Variants in CILK1 observed in about 807,000 individuals in gnomAD.
The protein encoded by CILK1 is ciliogenesis associated kinase 1, also known as serine/threonine-protein kinase ICK.
Under a neutral mutation model 79.2 loss-of-function variants are expected in CILK1, and 47 were observed. The observed-to-expected ratio is 0.59, with a 90% CI of 0.47 to 0.76. The LOEUF is 0.76. Among genes scored for constraint, CILK1 ranks in the 30% least tolerant of loss-of-function variants. CILK1 has a pLI of 0.00. For missense variants in CILK1, 660 were observed against 769.5 expected, an observed-to-expected ratio of 0.86 and a Z score of 1.68; for synonymous variants, 266 against 275.9, an observed-to-expected ratio of 0.96 and a Z score of 0.36.
chr6:53,041,888 T>C (rs974729569), intron 1 of CILK1, among the ~76,000 whole-genome samples: 18 of 152,150 alleles, frequency 1.2e-4, no homozygotes, highest in Non-Finnish European at 1.5e-5. Context: ...CTGGATTAAG[T>C]AGGTAAATAA....
At chr6:53,042,945 G>A (rs891424034) in intron 1 of CILK1, among the ~76,000 whole-genome samples, 1 of 152,200 alleles carries the variant, frequency 6.6e-6, no homozygotes, top group South Asian at 2.1e-4. Flanking sequence ...ATTAGGGAAA[G>A]TGGGGTGAAG....
At chr6:53,044,811 C>G (rs222451) in intron 1 of CILK1, among the ~76,000 whole-genome samples, 141,193 of 152,172 alleles carry the variant, frequency 0.93, 65,584 homozygotes, top group East Asian at 1. Flanking sequence ...TAGCAAATGA[C>G]GACACAGGAA....
chr6:53,058,493 C>CA (rs1768106782), intron 1 of CILK1, among the ~76,000 whole-genome samples: 1 of 152,148 alleles, frequency 6.6e-6, no homozygotes, highest in Admixed American at 6.5e-5. Flanking sequence ...AGCACAACCA[C>CA]AAACTAAGAC....
chr6:53,060,140 A>G (rs772607559), intron 1 of CILK1, among the ~76,000 whole-genome samples: 5 of 152,258 alleles, frequency 3.3e-5, no homozygotes, highest in Non-Finnish European at 5.9e-5. Context: ...ATAACAAACA[A>G]TAAAGTATAA....
At chr6:53,047,262 A>G (rs1209320993) in intron 1 of CILK1, among the ~76,000 whole-genome samples, 1 of 152,096 alleles carries the variant, frequency 6.6e-6, no homozygotes, top group South Asian at 2.1e-4. Flanking sequence ...GGTGGGCCCA[A>G]TTATGAACGA....
At chr6:53,020,622 A>G (rs1392606379) in intron 5 of CILK1, among the ~76,000 whole-genome samples, 2 of 152,204 alleles carry the variant, frequency 1.3e-5, no homozygotes, top group Non-Finnish European at 2.9e-5. Flanking sequence ...AATATTCCAA[A>G]ATCTGAAAAA....
chr6:53,025,018 A>G (rs189370570), intron 5 of CILK1, among the ~76,000 whole-genome samples: 47 of 151,972 alleles, frequency 3.1e-4, no homozygotes, highest in African/African-American at 9.9e-4. Context: ...TTTTTAGTAG[A>G]GACAGGATTT....
chr6:53,040,748 C>T (rs919604321), intron 2 of CILK1, among the ~76,000 whole-genome samples: 19 of 152,164 alleles, frequency 1.2e-4, no homozygotes, highest in African/African-American at 4.6e-4. Flanking sequence ...TTGTGAAGGG[C>T]AAGGGGGTGC....
chr6:53,019,121 T>A lies in CILK1; in HGVS notation c.491+106A>T, dbSNP rs185178823. ...AAATATATGTTTCAGACTGCACTGTTTCTCTTAGTGAAAAGTTAACATTTG... is the reference window on the plus strand; with the variant it reads ...AAATATATGTTTCAGACTGCACTGTATCTCTTAGTGAAAAGTTAACATTTG... On this transcript the variant is annotated intron_variant, in intron 6 of 13. Transcript: ENST00000676107. 56 of 1,078,564 alleles carry A rather than the reference T, an allele frequency of 5.2e-5. No homozygotes were observed. The Admixed American group carries it at 8.2e-4, about 16-fold the overall frequency. The allele number at this position is 1,078,564 out of a possible 1,614,324, so 66.8% of individuals were successfully genotyped here. A position where few individuals can be genotyped will look rare whatever the true frequency, so the allele number is the denominator to read the frequency against.
rs757109065 is a variant in CILK1 at position 53,005,144 on chromosome 6, G to C, written c.*5C>G. On this transcript the variant is annotated 3_prime_UTR_variant, in exon 14 of 14. Transcript: ENST00000676107. ...TAGGAAGAGATTCATCACCAAGGCA[G>C]ACAGTCATCGCCGAGATGCGTACTT... The C allele has an allele frequency of 3.7e-6, 6 of 1,614,104 alleles. No individual in the cohort carries two copies. In the Admixed American group the frequency reaches 1.0e-4, roughly 27 times the overall value.
chr6:53,024,509 G>GGAGTTCC (rs1489093759), intron 5 of CILK1, among the ~76,000 whole-genome samples: 3 of 152,224 alleles, frequency 2.0e-5, no homozygotes, highest in Non-Finnish European at 4.4e-5. Context: ...CAGAAGGCCT[G>GGAGTTCC]ATTGTGTGTT....
intron 5 of CILK1, among the ~76,000 whole-genome samples, chr6:53,022,961 T>G (rs1765340157): frequency 6.8e-6 from 1 of 148,058 alleles, no homozygotes; most frequent in Non-Finnish European, 1.5e-5. Context: ...TGAGACGGAG[T>G]CTTGCTCTGT....
chr6:53,016,123 A>T lies in CILK1; in HGVS notation c.791T>A (p.Met264Lys). 3 of 1,614,144 alleles carry T rather than the reference A, an allele frequency of 1.9e-6. No homozygotes were observed. Among genetic ancestry groups the T allele is most frequent in the Non-Finnish European group, 2.5e-6 (3 of 1,179,972 alleles). ...TCGTTTCTTGGGATCCCACTGAAGC[A>T]TGTCTCTCAGGAGCTGGACTGCTTC... ...SSEAVQLLRDMLQWDPKKRPT... is the reference protein window; with the variant it reads ...SSEAVQLLRDKLQWDPKKRPT... The change falls in exon 8 of 14, where the codon ATG (methionine) becomes AAG (lysine). Residue 264 changes from methionine to lysine, a missense_variant. Transcript: ENST00000676107.
In CILK1 at chr6:53,019,303, C is replaced by A; in HGVS notation, c.415G>T (p.Val139Leu). ...ENLLCMGPEL[V>L]KIADFGLARE... ...GCCAAACCAAAGTCTGCAATTTTCA[C>A]AAGTTCTGGTCCCATGCAGAGGAGG... is the stretch of plus-strand genomic sequence containing the variant. The change falls in exon 6 of 14, where the codon GTG (valine) becomes TTG (leucine). Residue 139 changes from valine (V) to leucine (L), a missense_variant. Physicochemically the swap from Val to Leu is conservative, Grantham distance 32. Coordinates refer to ENST00000676107, the MANE Select transcript of CILK1 (RefSeq NM_014920.5). The A allele has an allele frequency of 1.2e-6, 2 of 1,614,052 alleles. No homozygotes were observed. Among genetic ancestry groups the A allele is most frequent in the Non-Finnish European group, 1.7e-6 (2 of 1,179,920 alleles).
At chr6:53,009,954 T>C (rs1382224646) in intron 11 of CILK1, among the ~76,000 whole-genome samples, 1 of 152,218 alleles carries the variant, frequency 6.6e-6, no homozygotes, top group East Asian at 1.9e-4. Context: ...CTCCTCTCTC[T>C]GTCTTGTCTC....
chr6:53,012,044 GAGTGTC>G lies in CILK1; in HGVS notation c.1330_1335del (p.Asp444_Thr445del), dbSNP rs1764603458. 1 of 1,614,180 alleles carries G rather than the reference GAGTGTC, an allele frequency of 6.2e-7. No homozygotes were observed. The highest frequency in any genetic ancestry group is 1.3e-5 in the African/African-American group (1 of 75,058). On this transcript the variant is annotated inframe_deletion, in exon 10 of 14. Coordinates refer to ENST00000676107, the MANE Select transcript of CILK1 (RefSeq NM_014920.5). ...TGTGAGCAGCACACTTGCCTGCAGA[GAGTGTC>G]ATCACTCTGTCTTTTCTTGTTTTTC... is the stretch of plus-strand genomic sequence containing the variant.
Position 53,013,724 on chromosome 6 carries a change from G to A in CILK1, c.1090C>T (p.Leu364Phe), listed in dbSNP as rs1304906727. Reference protein sequence around the residue: ...EVSRTDHPSHLQEDKPSPLLF... With the variant: ...EVSRTDHPSHFQEDKPSPLLF... ...AACGGGCTTGGCTTGTCCTCCTGGA[G>A]ATGGCTTGGGTGATCTGTCCTGGAG... Residue 364 changes from leucine to phenylalanine, a missense_variant, in exon 9 of 14, where the codon CTC becomes TTC. Leu to Phe is a conservative substitution (Grantham distance 22, BLOSUM62 0). Coordinates refer to ENST00000676107, the MANE Select transcript of CILK1 (RefSeq NM_014920.5). 1.2e-6 allele frequency: 2 copies of A among 1,614,198 alleles called. No individual in the cohort carries two copies. Among genetic ancestry groups the A allele is most frequent in the Non-Finnish European group, 1.7e-6 (2 of 1,180,032 alleles).
intron 1 of CILK1, among the ~76,000 whole-genome samples, chr6:53,049,500 A>T (rs948408831): frequency 2.0e-5 from 3 of 152,164 alleles, no homozygotes; most frequent in Admixed American, 6.5e-5. Context: ...CCTCAGTATC[A>T]CTCCAGGTTG....
intron 5 of CILK1, among the ~76,000 whole-genome samples, chr6:53,025,846 C>A (rs1196865345): frequency 6.6e-6 from 1 of 152,152 alleles, no homozygotes. Context: ...TGTTATTAGC[C>A]TTATACACAT....
Sources: allele counts gnomAD v4.1 joint callset (sites outside exome capture counted in the v4.1 genomes callset), GRCh38; gene constraint gnomAD v4.1.1; transcripts MANE v1.5; gene names NCBI Gene and HGNC (gene_info 2026-07-23, HGNC 2026-07-21).